The following SPTLC3 variants were observed in gnomAD, a reference collection of about 807,000 sequenced individuals.
SPTLC3 encodes the protein serine palmitoyltransferase 3.
Under a neutral mutation model 59.3 loss-of-function variants are expected in SPTLC3, and 36 were observed. That is an observed-to-expected ratio of 0.61 (90% CI 0.47 to 0.80). SPTLC3 has a LOEUF of 0.80. Among genes scored for constraint, SPTLC3 ranks in the 30% least tolerant of loss-of-function variants. SPTLC3 has a pLI of 0.00. For synonymous variants in SPTLC3, 257 were observed against 240.8 expected (o/e 1.07, Z -0.62); for missense variants, 625 against 685.1 (o/e 0.91, Z 0.98).
chr20:13,131,801 A>T (rs1264150980), intron 9 of SPTLC3, among the ~76,000 whole-genome samples: 2 of 152,170 alleles, frequency 1.3e-5, no homozygotes, highest in Non-Finnish European at 2.9e-5. Context: ...AAGGAGAAGA[A>T]AAACTAACTC....
chr20:13,141,234 T>C (rs559589990), intron 9 of SPTLC3, among the ~76,000 whole-genome samples: 1 of 152,356 alleles, frequency 6.6e-6, no homozygotes, highest in East Asian at 1.9e-4. Context: ...CAGTGCAAAC[T>C]GTTGGGAGCT....
At chr20:13,164,524 C>T in intron 11 of SPTLC3, 1 of 565,622 alleles carries the variant, frequency 1.8e-6, no homozygotes, top group Non-Finnish European at 3.2e-6. Context: ...ATAAAATAAA[C>T]ATTCATAGTA....
chr20:13,161,983 T>C (rs1464068362), intron 11 of SPTLC3, among the ~76,000 whole-genome samples: 1 of 152,196 alleles, frequency 6.6e-6, no homozygotes, highest in African/African-American at 2.4e-5. Context: ...TGAGTGAACT[T>C]TGTTTTCTTT....
chr20:13,103,887 A>G (rs1262510673), intron 6 of SPTLC3, among the ~76,000 whole-genome samples: 1 of 152,230 alleles, frequency 6.6e-6, no homozygotes, highest in African/African-American at 2.4e-5. Context: ...CTTCCGGAAG[A>G]CACACTATGA....
At chr20:13,088,391 G>A (rs1989078036) in intron 4 of SPTLC3, among the ~76,000 whole-genome samples, 1 of 152,108 alleles carries the variant, frequency 6.6e-6, no homozygotes, top group African/African-American at 2.4e-5. Context: ...CTGGAGTGCA[G>A]TGGCACCATC....
chr20:13,055,134 A>G (rs1280442411), intron 2 of SPTLC3, among the ~76,000 whole-genome samples: 1 of 152,034 alleles, frequency 6.6e-6, no homozygotes, highest in Non-Finnish European at 1.5e-5. Flanking sequence ...GGGAATCTCA[A>G]GTTCTAGTTT....
At chr20:13,124,906 G>A (rs2037953411) in intron 8 of SPTLC3, among the ~76,000 whole-genome samples, 1 of 152,142 alleles carries the variant, frequency 6.6e-6, no homozygotes, top group Admixed American at 6.5e-5. Context: ...ATTCCCAAGA[G>A]CTCTTTCCAA....
At chr20:13,153,766 T>C (rs1277412876) in intron 9 of SPTLC3, among the ~76,000 whole-genome samples, 1 of 152,140 alleles carries the variant, frequency 6.6e-6, no homozygotes. Context: ...CTGGCTTCAG[T>C]TGCTTGCAGC....
intron 2 of SPTLC3, among the ~76,000 whole-genome samples, 178 bp from the exon 3 acceptor site, chr20:13,072,078 T>A (rs1171794210): frequency 2.0e-5 from 3 of 152,154 alleles, no homozygotes; most frequent in African/African-American, 7.2e-5. Flanking sequence ...ATTCCCCCAC[T>A]AAAAGGCATG....
chr20:13,073,280 C>T (rs3848768), intron 3 of SPTLC3, among the ~76,000 whole-genome samples: 6,861 of 152,194 alleles, frequency 0.045, 184 homozygotes, highest in South Asian at 0.074. Flanking sequence ...TTAGCTCCCA[C>T]GTTATAGGTA....
intron 1 of SPTLC3, among the ~76,000 whole-genome samples, chr20:13,014,101 A>T (rs1450895940): frequency 6.6e-6 from 1 of 152,212 alleles, no homozygotes; most frequent in African/African-American, 2.4e-5. Context: ...GACCTCTTTT[A>T]TGTCCTAGGG....
At chr20:13,126,415 GA>G (rs1448773869) in intron 8 of SPTLC3, among the ~76,000 whole-genome samples, 175 bp from the exon 9 acceptor site, 4 of 152,098 alleles carry the variant, frequency 2.6e-5, no homozygotes, top group Non-Finnish European at 5.9e-5. Flanking sequence ...GACTATGAAG[GA>G]AATAGAAAAA....
At chr20:13,146,529 G>A (rs1207470872) in intron 9 of SPTLC3, among the ~76,000 whole-genome samples, 1 of 152,070 alleles carries the variant, frequency 6.6e-6, no homozygotes, top group Non-Finnish European at 1.5e-5. Flanking sequence ...TTAATGGCTT[G>A]CTAAAATATT....
chr20:13,090,372 T>C (rs1020878788), intron 4 of SPTLC3, among the ~76,000 whole-genome samples: 1 of 152,212 alleles, frequency 6.6e-6, no homozygotes, highest in Non-Finnish European at 1.5e-5. Flanking sequence ...CAGTATCTAG[T>C]ACATTCCAAA....
chr20:13,126,510 A>G, intron 8 of SPTLC3, 81 bp from the exon 9 acceptor site: 1 of 1,523,774 alleles, frequency 6.6e-7, no homozygotes, highest in Non-Finnish European at 8.9e-7. Flanking sequence ...CTATGAGGAT[A>G]GGGATGGGAC....
At chr20:13,105,978 T>C (rs1296834885) in intron 6 of SPTLC3, among the ~76,000 whole-genome samples, 2 of 152,188 alleles carry the variant, frequency 1.3e-5, no homozygotes, top group Non-Finnish European at 1.5e-5. Flanking sequence ...CCCAAATAGG[T>C]GAAAGTTTAT....
At chr20:13,121,043 G>T (rs964116541) in intron 8 of SPTLC3, among the ~76,000 whole-genome samples, 3 of 152,180 alleles carry the variant, frequency 2.0e-5, no homozygotes, top group Non-Finnish European at 4.4e-5. Flanking sequence ...AAGCTGATGG[G>T]ACTAGGTTTC....
rs142757545 is a variant in SPTLC3 at position 13,035,351 on chromosome 20, G to A, written c.118-13594G>A. 2.8e-4 allele frequency among the ~76,000 whole-genome samples: 42 copies of A among 152,154 alleles called. No homozygotes were observed. In the East Asian group the frequency reaches 7.5e-3, roughly 27 times the overall value. ...GTCCTACATATTGGTAGATTTCAGC[G>A]GCCTGAACAACTTGAGTTGACTGAG... On this transcript the variant is annotated intron_variant, in intron 1 of 11. Coordinates refer to ENST00000399002, the MANE Select transcript of SPTLC3 (RefSeq NM_018327.4).
Position 13,009,253 on chromosome 20 carries a change from T to C in SPTLC3, c.-15T>C, listed in dbSNP as rs3761896. ...CTGAAGGAAAACCTGTCCCGGGCTC[T>C]GTCACTTCACACCCATGGCTAACCC... On this transcript the variant is annotated 5_prime_UTR_variant, in exon 1 of 12. Coordinates refer to ENST00000399002, the MANE Select transcript of SPTLC3 (RefSeq NM_018327.4). 394,204 of 1,610,920 alleles carry C rather than the reference T, an allele frequency of 0.24. 51,408 individuals carry two copies. Among genetic ancestry groups the C allele is most frequent in the South Asian group, 0.37 (33,496 of 90,954 alleles).
Sources: allele counts gnomAD v4.1 joint callset (sites outside exome capture counted in the v4.1 genomes callset), GRCh38; gene constraint gnomAD v4.1.1; transcripts MANE v1.5; gene names NCBI Gene and HGNC (gene_info 2026-07-23, HGNC 2026-07-21).